Variants in PAPLN observed in about 807,000 individuals in gnomAD.
The protein encoded by PAPLN is papilin.
A neutral mutation model predicts 159.0 loss-of-function variants in PAPLN; 146 were observed. The ratio of observed to expected loss-of-function variants is 0.92; its 90% CI spans 0.80 to 1.05. The LOEUF is 1.05. Ranked by LOEUF, PAPLN falls within the 50% of genes least tolerant of loss-of-function variation. The probability of loss-of-function intolerance (pLI) is 0.00; values close to 1 mark genes in which losing one functional copy is unlikely to be tolerated. For synonymous variants in PAPLN, 734 were observed against 702.9 expected (o/e 1.04, Z -0.70); for missense variants, 1,720 against 1,743.9 (o/e 0.99, Z 0.24).
chr14:73,259,633 G>A (rs1157078574), intron 16 of PAPLN, 88 bp downstream of exon 16: 2 of 1,387,134 alleles, frequency 1.4e-6, no homozygotes, highest in East Asian at 2.7e-5. Context: ...GATCAGAAGA[G>A]GGCTGGGGTG....
intron 1 of PAPLN, among the ~76,000 whole-genome samples, chr14:73,239,028 G>A (rs896528235): frequency 2.6e-5 from 4 of 152,194 alleles, no homozygotes; most frequent in African/African-American, 9.6e-5. Flanking sequence ...GCACCAAATA[G>A]TACACACCAG....
rs1042959709 is a variant in PAPLN at position 73,265,156 on chromosome 14, G to T, written c.3126-214G>T. Among the ~76,000 whole-genome samples, 1 of 152,294 alleles carries T rather than the reference G, an allele frequency of 6.6e-6. No individual in the cohort carries two copies. Among genetic ancestry groups the T allele is most frequent in the Non-Finnish European group, 1.5e-5 (1 of 68,018 alleles). On this transcript the variant is annotated intron_variant, in intron 22 of 26. Coordinates refer to ENST00000644200, the MANE Select transcript of PAPLN (RefSeq NM_001365906.3). The surrounding 1 kb of genome is among the most constrained non-coding windows in gnomAD (Gnocchi z 4.1). ...TGGGTGTGTCTGGCCAGCTGTGGTG[G>T]AGGGGCAGGGAGTGGTAGTGGCGGG...
At chr14:73,247,984 CTGTG>C (rs60942606) in intron 5 of PAPLN, among the ~76,000 whole-genome samples, 413 of 19,340 alleles carry the variant, frequency 0.021, 17 homozygotes, top group African/African-American at 0.06. Flanking sequence ...CTCATATCCT[CTGTG>C]TGTGTGTGTG....
Position 73,250,084 on chromosome 14 carries a change from G to A in PAPLN, c.435G>A (p.Lys145=), listed in dbSNP as rs562323548. 3.4e-5 allele frequency: 55 copies of A among 1,612,202 alleles called. No individual in the cohort carries two copies. Among genetic ancestry groups the A allele is most frequent in the Non-Finnish European group, 4.4e-5 (52 of 1,179,208 alleles). ...ATGGGACGCCCTGCGAGCCTGGCAA[G>A]AGGGATGTCTGTGTGGATGGCAGCT... The part of the protein sequence containing the change: ...VVDGTPCEPG[K]RDVCVDGSCR... Residue 145 remains lysine (K), a synonymous_variant, in exon 6 of 27, where the codon AAG becomes AAA. Coordinates refer to ENST00000644200, the MANE Select transcript of PAPLN (RefSeq NM_001365906.3).
intron 2 of PAPLN, chr14:73,243,072 A>C (rs976760330): frequency 6.6e-6 from 1 of 152,198 alleles, no homozygotes. Flanking sequence ...GGCTCACTGC[A>C]ACCTCCACCT....
intron 18 of PAPLN, 109 bp downstream of exon 18, chr14:73,261,403 C>A (rs1886573242): frequency 1.4e-6 from 2 of 1,415,968 alleles, no homozygotes; most frequent in Non-Finnish European, 9.4e-7. Flanking sequence ...GTTATTCATT[C>A]ATTCCTACCA....
Position 73,265,521 on chromosome 14 carries a change from C to T in PAPLN, c.3263+14C>T, listed in dbSNP as rs1887132865. 3 of 1,612,152 alleles carry T rather than the reference C, an allele frequency of 1.9e-6. No homozygotes were observed. The highest frequency in any genetic ancestry group is 1.7e-6 in the Non-Finnish European group (2 of 1,179,032). On this transcript the variant is annotated intron_variant, in intron 23 of 26. Coordinates refer to ENST00000644200, the MANE Select transcript of PAPLN (RefSeq NM_001365906.3). The surrounding 1 kb of genome is among the most constrained non-coding windows in gnomAD (Gnocchi z 4.1). Reference sequence around the variant, plus strand: ...CTCTTCTCCCAGGTTTATTTGACTCCTCTCCCCTTCCTCCTATTCTGCCTC... The same window carrying T: ...CTCTTCTCCCAGGTTTATTTGACTCTTCTCCCCTTCCTCCTATTCTGCCTC...
At chr14:73,250,634 A>G (rs1437980484) in intron 6 of PAPLN, among the ~76,000 whole-genome samples, 1 of 152,100 alleles carries the variant, frequency 6.6e-6, no homozygotes, top group East Asian at 1.9e-4. Flanking sequence ...AACCTCCCCA[A>G]ACCCACATTT....
Position 73,266,597 on chromosome 14 carries a change from A to C in PAPLN, c.3360A>C (p.Arg1120=). 1 of 1,614,160 alleles carries C rather than the reference A, an allele frequency of 6.2e-7. No individual in the cohort carries two copies. Among genetic ancestry groups the C allele is most frequent in the Non-Finnish European group, 8.5e-7 (1 of 1,180,028 alleles). Residue 1120 remains arginine, a synonymous_variant, in exon 24 of 27, where the codon CGA becomes CGC. Coordinates refer to ENST00000644200, the MANE Select transcript of PAPLN (RefSeq NM_001365906.3). ...YTCVAFNGQD[R]DQRWVQLRVL... The stretch of plus-strand genomic sequence containing the variant: ...GTGTCGCTTTCAATGGGCAGGACCG[A>C]GACCAGCGATGGGTCCAGCTCAGAG...
In PAPLN at chr14:73,245,529, T is replaced by C; in HGVS notation, c.171-107T>C. 7.9e-7 allele frequency: 1 copy of C among 1,261,778 alleles called. No individual in the cohort carries two copies. The highest frequency in any genetic ancestry group is 1.1e-6 in the Non-Finnish European group (1 of 910,848). 78.2% of individuals were successfully genotyped at this position (1,261,778 alleles called of 1,614,324 possible). A position where few individuals can be genotyped will look rare whatever the true frequency, so the allele number is the denominator to read the frequency against. ...GTCGGGGGACACCCTCTCACCTTGC[T>C]GCTCCCACTGGAGAGTCCCGCAGAA... On this transcript the variant is annotated intron_variant, in intron 3 of 26. Transcript: ENST00000644200. The surrounding 1 kb of genome is among the most constrained non-coding windows in gnomAD (Gnocchi z 4.2).
chr14:73,246,049 C>T (rs943181299), intron 4 of PAPLN, 24 bp from the exon 5 acceptor site: 5 of 1,517,914 alleles, frequency 3.3e-6, no homozygotes, highest in Non-Finnish European at 4.4e-6. Flanking sequence ...CCTCCTGGAT[C>T]CCGACTTCCC....
Position 73,267,014 on chromosome 14 carries a change from GCT to G in PAPLN, c.3500+188_3500+189del, listed in dbSNP as rs1209157211. 2.6e-5 allele frequency among the ~76,000 whole-genome samples: 4 copies of G among 152,180 alleles called. No homozygotes were observed. In the East Asian group the frequency reaches 7.7e-4, roughly 29 times the overall value. On this transcript the variant is annotated intron_variant, in intron 25 of 26. Transcript: ENST00000644200. Reference sequence around the variant, plus strand: ...AGAGCAAAGCTCTGTAGGGCCACTGGCTCTCTGCTGGTTGGGCTACACTAAGG... The same window carrying G: ...AGAGCAAAGCTCTGTAGGGCCACTGGCTCTGCTGGTTGGGCTACACTAAGG...
intron 14 of PAPLN, among the ~76,000 whole-genome samples, chr14:73,256,230 T>A (rs1448916618): frequency 6.6e-6 from 1 of 152,038 alleles, no homozygotes; most frequent in African/African-American, 2.4e-5. Context: ...AGGACCCATA[T>A]AGAAAGGAAG....
rs1011198816 is a variant in PAPLN at position 73,263,845 on chromosome 14, G to T, written c.2861+63G>T. The T allele has an allele frequency of 1.5e-5, 23 of 1,525,118 alleles. No individual in the cohort carries two copies. In the South Asian group the frequency reaches 2.5e-4, roughly 16 times the overall value. The allele number at this position is 1,525,118 out of a possible 1,614,324, so 94.5% of individuals were successfully genotyped here. ...ACAGCCCCCCTACCTTCCCTGACAGGTGTGTGTGACAGCTCCCCCACCTCC... is the reference window on the plus strand; with the variant it reads ...ACAGCCCCCCTACCTTCCCTGACAGTTGTGTGTGACAGCTCCCCCACCTCC... On this transcript the variant is annotated intron_variant, in intron 20 of 26. Transcript: ENST00000644200.
At chr14:73,270,624 C>A (rs1887633118) in intron 26 of PAPLN, among the ~76,000 whole-genome samples, 1 of 152,214 alleles carries the variant, frequency 6.6e-6, no homozygotes. Context: ...TGTGACAAAG[C>A]AAAATGCAGA....
chr14:73,252,239 C>G lies in PAPLN; in HGVS notation c.967+98C>G, dbSNP rs577273567. On this transcript the variant is annotated intron_variant, in intron 10 of 26. Transcript: ENST00000644200. ...CACAGCCCTCTCCTCAAGGCAGTCC[C>G]TCCTGGGGAGATGGACAAGTAGGCG... 24 of 1,426,966 alleles carry G rather than the reference C, an allele frequency of 1.7e-5. No individual in the cohort carries two copies. In the African/African-American group the frequency reaches 2.7e-4, roughly 16 times the overall value. The allele number at this position is 1,426,966 out of a possible 1,614,324, so 88.4% of individuals were successfully genotyped here. A position where few individuals can be genotyped will look rare whatever the true frequency, so the allele number is the denominator to read the frequency against.
chr14:73,240,735 G>A (rs567690869), intron 2 of PAPLN, among the ~76,000 whole-genome samples: 87 of 152,342 alleles, frequency 5.7e-4, no homozygotes, highest in Middle Eastern at 3.4e-3. Context: ...AAAGGCCAGG[G>A]CTCTCTGGAG....
intron 17 of PAPLN, 147 bp from the exon 18 acceptor site, chr14:73,261,009 G>A: frequency 1.4e-6 from 2 of 1,436,630 alleles, no homozygotes; most frequent in Non-Finnish European, 1.9e-6. Flanking sequence ...GTGGATCAGG[G>A]GTTTCATCCA....
intron 5 of PAPLN, chr14:73,246,837 C>T (rs1402659318): frequency 6.6e-6 from 1 of 152,024 alleles, no homozygotes; most frequent in Non-Finnish European, 1.5e-5. Context: ...GTGCTAATCT[C>T]TGTATCGTTC....
Sources: allele counts gnomAD v4.1 joint callset (sites outside exome capture counted in the v4.1 genomes callset), GRCh38; gene constraint gnomAD v4.1.1; non-coding constraint Gnocchi (gnomAD v3.1); transcripts MANE v1.5; gene names NCBI Gene and HGNC (gene_info 2026-07-23, HGNC 2026-07-21).